SLC9A9: variants seen among roughly 807,000 people sequenced by gnomAD.
SLC9A9 encodes the protein sodium/hydrogen exchanger 9.
Under a neutral mutation model 77.8 loss-of-function variants are expected in SLC9A9, and 62 were observed. The observed-to-expected ratio is 0.80, with a 90% confidence interval of 0.65 to 0.98. The LOEUF (loss-of-function observed/expected upper bound fraction) is 0.98, where lower values mean the gene tolerates loss of function less well. Ranked by LOEUF, SLC9A9 falls within the 50% of genes least tolerant of loss-of-function variation. The pLI is 0.00. For synonymous variants in SLC9A9, 320 were observed against 283.5 expected, an observed-to-expected ratio of 1.13 and a Z score of -1.29; for missense variants, 775 against 774.9, an observed-to-expected ratio of 1.00 and a Z score of 0.00.
intron 5 of SLC9A9, among the ~76,000 whole-genome samples, chr3:143,656,747 C>G (rs920839016): frequency 6.6e-6 from 1 of 152,180 alleles, no homozygotes; most frequent in African/African-American, 2.4e-5. Flanking sequence ...AGAGTGCTCT[C>G]TATGGTTTTC....
intron 2 of SLC9A9, among the ~76,000 whole-genome samples, chr3:143,801,416 C>T (rs2008553529): frequency 6.6e-6 from 1 of 152,188 alleles, no homozygotes; most frequent in South Asian, 2.1e-4. Flanking sequence ...TTTTCTTCCT[C>T]ACACTTGATG....
intron 12 of SLC9A9, among the ~76,000 whole-genome samples, chr3:143,422,844 T>G (rs937721865): frequency 4.6e-5 from 7 of 152,214 alleles, no homozygotes; most frequent in Non-Finnish European, 1.0e-4. Flanking sequence ...CCTGGCCCTG[T>G]GCTCTTCCCT....
intron 4 of SLC9A9, among the ~76,000 whole-genome samples, chr3:143,753,661 C>T (rs926584690): frequency 2.0e-5 from 3 of 152,066 alleles, no homozygotes; most frequent in Non-Finnish European, 2.9e-5. Flanking sequence ...TCTGATTACC[C>T]CTCACTGTAG....
chr3:143,685,875 C>T (rs1462039445), intron 5 of SLC9A9, among the ~76,000 whole-genome samples: 2 of 152,128 alleles, frequency 1.3e-5, no homozygotes, highest in Non-Finnish European at 2.9e-5. Flanking sequence ...AGCCACTGAC[C>T]ACCAGATAAA....
At chr3:143,433,755 T>C (rs994343024) in intron 12 of SLC9A9, among the ~76,000 whole-genome samples, 2 of 152,204 alleles carry the variant, frequency 1.3e-5, no homozygotes, top group South Asian at 2.1e-4. Context: ...TGAGGAAATA[T>C]GCAGATTCCT....
intron 6 of SLC9A9, among the ~76,000 whole-genome samples, chr3:143,639,839 A>G (rs1277958425): frequency 6.6e-6 from 1 of 152,128 alleles, no homozygotes; most frequent in Admixed American, 6.5e-5. Flanking sequence ...GGCTGCTTTT[A>G]TCATATGGTG....
chr3:143,714,856 C>T (rs750849467), intron 4 of SLC9A9, among the ~76,000 whole-genome samples: 1 of 152,088 alleles, frequency 6.6e-6, no homozygotes, highest in Admixed American at 6.5e-5. Context: ...GTGTCTCCAC[C>T]CAAATCTCAT....
At chr3:143,491,200 G>A (rs990971330) in intron 11 of SLC9A9, among the ~76,000 whole-genome samples, 41 of 152,136 alleles carry the variant, frequency 2.7e-4, no homozygotes, top group Admixed American at 1.3e-3. Flanking sequence ...TAGGTGTCCT[G>A]AAAATTTGGT....
At chr3:143,400,644 C>T (rs981347216) in intron 12 of SLC9A9, among the ~76,000 whole-genome samples, 2 of 149,586 alleles carry the variant, frequency 1.3e-5, no homozygotes, top group African/African-American at 4.9e-5. Flanking sequence ...AGAACTTACT[C>T]ATGTAAGCAA....
At chr3:143,793,661 GA>G (rs1411393028) in intron 4 of SLC9A9, among the ~76,000 whole-genome samples, 12 of 152,220 alleles carry the variant, frequency 7.9e-5, no homozygotes, top group African/African-American at 2.4e-4. Flanking sequence ...ATCAGAAGCA[GA>G]AGTTCTGAGT....
chr3:143,333,641 C>T (rs529121634), intron 14 of SLC9A9, among the ~76,000 whole-genome samples: 1 of 151,168 alleles, frequency 6.6e-6, no homozygotes, highest in African/African-American at 2.4e-5. Context: ...CATGGCTTGC[C>T]TAGCAACAAA....
At chr3:143,504,876 C>T (rs959383369) in intron 9 of SLC9A9, among the ~76,000 whole-genome samples, 1 of 152,062 alleles carries the variant, frequency 6.6e-6, no homozygotes, top group African/African-American at 2.4e-5. Context: ...GAGTTTTGTC[C>T]AAGGCTCACA....
chr3:143,543,566 A>G (rs1043396866), intron 9 of SLC9A9, among the ~76,000 whole-genome samples: 4 of 152,010 alleles, frequency 2.6e-5, no homozygotes, highest in Admixed American at 6.6e-5. Context: ...AGTAGCTCTT[A>G]GTGTCTACTG....
chr3:143,798,251 A>C (rs2008444958), intron 2 of SLC9A9, among the ~76,000 whole-genome samples: 1 of 152,142 alleles, frequency 6.6e-6, no homozygotes, highest in Admixed American at 6.5e-5. Flanking sequence ...GTGGACCCCA[A>C]AACTCCGGCG....
intron 6 of SLC9A9, among the ~76,000 whole-genome samples, chr3:143,579,085 G>A (rs2037412818): frequency 6.6e-6 from 1 of 152,202 alleles, no homozygotes; most frequent in South Asian, 2.1e-4. Context: ...CTTCAGTGCT[G>A]TTATATATTC....
chr3:143,577,057 T>C (rs1391658982), intron 7 of SLC9A9, among the ~76,000 whole-genome samples: 1 of 152,200 alleles, frequency 6.6e-6, no homozygotes, highest in Non-Finnish European at 1.5e-5. Context: ...ACAGTTTCCC[T>C]TGATTCTAGT....
At chr3:143,680,461 C>T (rs1178747264) in intron 5 of SLC9A9, among the ~76,000 whole-genome samples, 2 of 152,270 alleles carry the variant, frequency 1.3e-5, no homozygotes, top group East Asian at 3.9e-4. Context: ...TCTTCCCATT[C>T]TAGAGCATGA....
At chr3:143,497,376 AT>A (rs2035854001) in intron 9 of SLC9A9, among the ~76,000 whole-genome samples, 1 of 152,196 alleles carries the variant, frequency 6.6e-6, no homozygotes, top group African/African-American at 2.4e-5. Context: ...AATATGGAGC[AT>A]ATAATTTAGG....
At chr3:143,764,491 C>T (rs891404689) in intron 4 of SLC9A9, among the ~76,000 whole-genome samples, 1 of 152,224 alleles carries the variant, frequency 6.6e-6, no homozygotes, top group Non-Finnish European at 1.5e-5. Context: ...GTCACCACCT[C>T]ATGTGGCCAC....
Sources: allele counts gnomAD v4.1 joint callset (sites outside exome capture counted in the v4.1 genomes callset), GRCh38; gene constraint gnomAD v4.1.1; transcripts MANE v1.5; gene names NCBI Gene and HGNC (gene_info 2026-07-23, HGNC 2026-07-21).